The following DNAJB6 variants were observed in gnomAD, a reference collection of about 807,000 sequenced individuals.
DNAJB6 encodes the protein dnaJ homolog subfamily B member 6.
A neutral mutation model predicts 42.7 loss-of-function variants in DNAJB6; 16 were observed. The observed-to-expected ratio is 0.37, with a 90% CI of 0.25 to 0.57. The LOEUF (loss-of-function observed/expected upper bound fraction) is 0.57, where lower values mean the gene tolerates loss of function less well. Ranked by LOEUF, DNAJB6 falls within the 20% of genes least tolerant of loss-of-function variation. The pLI, the probability that DNAJB6 is intolerant of heterozygous loss-of-function variation, is 0.74. For synonymous variants in DNAJB6, 170 were observed against 163.5 expected, an observed-to-expected ratio of 1.04 and a Z score of -0.30; for missense variants, 347 against 416.8, an observed-to-expected ratio of 0.83 and a Z score of 1.46.
At position 157,415,985 on chromosome 7, in the gene DNAJB6, G is replaced by A. The variant is rs187742799; in HGVS notation, c.899-31G>A. 223 of 1,614,044 alleles carry A rather than the reference G, an allele frequency of 1.4e-4. No homozygotes were observed. The East Asian group carries it at 3.7e-3, about 27-fold the overall frequency. On this transcript the variant is annotated intron_variant, in intron 9 of 9. Transcript: ENST00000262177. ...CTTGCTGGGGAAGCAGTGCTGTTCC[G>A]TACAGTGTTTTACAAGCCGTGTTTC... is the stretch of plus-strand genomic sequence containing the variant.
intron 1 of DNAJB6, among the ~76,000 whole-genome samples, chr7:157,351,661 C>CAACAAA (rs1554453363): frequency 2.7e-4 from 10 of 36,384 alleles, no homozygotes; most frequent in East Asian, 2.9e-3. Context: ...ACAACAACAA[C>CAACAAA]AAAAAAAACC....
chr7:157,374,045 G>A (rs1014733644), intron 5 of DNAJB6, among the ~76,000 whole-genome samples: 4 of 152,114 alleles, frequency 2.6e-5, no homozygotes, highest in African/African-American at 7.2e-5. Context: ...GTTAAAAAAT[G>A]AAACCGTGAT....
At chr7:157,353,619 G>GTGTGTGTGTGTGTGTATGTA (rs765489885) in intron 1 of DNAJB6, among the ~76,000 whole-genome samples, 2 of 146,890 alleles carry the variant, frequency 1.4e-5, no homozygotes, top group African/African-American at 5.1e-5. Flanking sequence ...GTGTGTGTGT[G>GTGTGTGTGTGTGTGTATGTA]TGTATGTATT....
chr7:157,361,249 C>T (rs937461817), intron 2 of DNAJB6, among the ~76,000 whole-genome samples: 4 of 151,772 alleles, frequency 2.6e-5, no homozygotes, highest in African/African-American at 9.7e-5. Flanking sequence ...ACCTCTGCCT[C>T]CCAGGTTCAG....
chr7:157,367,860 CAAA>C (rs781409229), intron 5 of DNAJB6, among the ~76,000 whole-genome samples: 1 of 142,028 alleles, frequency 7.0e-6, no homozygotes. Flanking sequence ...ACTCCTGTCT[CAAA>C]AAAAAAAAAG....
chr7:157,351,775 C>A (rs1445678200), intron 1 of DNAJB6, among the ~76,000 whole-genome samples: 2 of 151,976 alleles, frequency 1.3e-5, no homozygotes, highest in Non-Finnish European at 2.9e-5. Flanking sequence ...ACCAGCCTGG[C>A]CAACATGGTG....
At chr7:157,404,502 G>T (rs1441914990) in intron 8 of DNAJB6, among the ~76,000 whole-genome samples, 2 of 126,084 alleles carry the variant, frequency 1.6e-5, no homozygotes, top group Admixed American at 8.0e-5. Context: ...GATGGGGTCT[G>T]TCTTTTTTCT....
At chr7:157,408,831 C>T (rs1286484275) in intron 8 of DNAJB6, among the ~76,000 whole-genome samples, 1 of 152,272 alleles carries the variant, frequency 6.6e-6, no homozygotes, top group African/African-American at 2.4e-5. Flanking sequence ...GAGGATGGGG[C>T]CGCCCCTGGC....
At chr7:157,385,441 A>G (rs1801003661) in intron 7 of DNAJB6, 100 bp from the exon 8 acceptor site, 1 of 1,252,624 alleles carries the variant, frequency 8.0e-7, no homozygotes, top group South Asian at 1.4e-5. Context: ...AATTACTTAT[A>G]TTCATGGTGT....
At chr7:157,347,871 C>T (rs2116885912) in intron 1 of DNAJB6, among the ~76,000 whole-genome samples, 1 of 152,280 alleles carries the variant, frequency 6.6e-6, no homozygotes, top group Non-Finnish European at 1.5e-5. Flanking sequence ...TCTTGGTTTA[C>T]TCCAACCTCT....
At chr7:157,405,047 G>A (rs1197553835) in intron 8 of DNAJB6, among the ~76,000 whole-genome samples, 1 of 152,210 alleles carries the variant, frequency 6.6e-6, no homozygotes, top group Non-Finnish European at 1.5e-5. Flanking sequence ...AGAACTGCAG[G>A]CATGTTGAGC....
At chr7:157,364,978 G>T (rs1799774539) in intron 3 of DNAJB6, among the ~76,000 whole-genome samples, 1 of 152,178 alleles carries the variant, frequency 6.6e-6, no homozygotes, top group Non-Finnish European at 1.5e-5. Context: ...TTGAGAAGGG[G>T]TCTCACTCTG....
chr7:157,353,206 G>T (rs1799088063), intron 1 of DNAJB6, among the ~76,000 whole-genome samples: 1 of 150,722 alleles, frequency 6.6e-6, no homozygotes, highest in South Asian at 2.1e-4. Flanking sequence ...GAGATTACAG[G>T]TGTGAGCTGC....
At chr7:157,391,725 A>G (rs898901821) in intron 8 of DNAJB6, among the ~76,000 whole-genome samples, 18 of 152,228 alleles carry the variant, frequency 1.2e-4, no homozygotes, top group African/African-American at 4.1e-4. Context: ...GTATTTGTGT[A>G]GAGTCTTATG....
intron 1 of DNAJB6, chr7:157,340,058 G>A (rs890247311): frequency 2.0e-5 from 3 of 152,246 alleles, no homozygotes; most frequent in African/African-American, 7.2e-5. Flanking sequence ...TGCTGTAAAG[G>A]TCAGCTTCTA....
chr7:157,414,653 C>G (rs970209876), intron 9 of DNAJB6: 2 of 152,332 alleles, frequency 1.3e-5, no homozygotes, highest in Non-Finnish European at 2.9e-5. Flanking sequence ...GCTCCTCTGG[C>G]GAGGAAGGTG....
chr7:157,349,178 G>T (rs962544396), intron 1 of DNAJB6, among the ~76,000 whole-genome samples: 26 of 152,030 alleles, frequency 1.7e-4, no homozygotes, highest in African/African-American at 5.8e-4. Context: ...ACCCTGCAAC[G>T]GCCATGTGCA....
intron 5 of DNAJB6, among the ~76,000 whole-genome samples, chr7:157,368,273 A>G (rs1172938106): frequency 6.6e-6 from 1 of 152,228 alleles, no homozygotes; most frequent in South Asian, 2.1e-4. Flanking sequence ...CAGAAGAGAC[A>G]GTGGTAAGGG....
chr7:157,340,757 C>T (rs1460712945), intron 1 of DNAJB6, among the ~76,000 whole-genome samples: 2 of 151,598 alleles, frequency 1.3e-5, no homozygotes, highest in Non-Finnish European at 2.9e-5. Context: ...GCTCACTGCA[C>T]TCCTGGGTTC....
Sources: allele counts gnomAD v4.1 joint callset (sites outside exome capture counted in the v4.1 genomes callset), GRCh38; gene constraint gnomAD v4.1.1; transcripts MANE v1.5; gene names NCBI Gene and HGNC (gene_info 2026-07-23, HGNC 2026-07-21).